The following PDZD2 variants were observed in gnomAD, a reference collection of about 807,000 sequenced individuals.
PDZD2 encodes PDZ domain containing 2.
PDZD2 carries 90 observed loss-of-function variants against 220.7 expected under a neutral mutation model. That is an observed-to-expected ratio of 0.41 (90% CI 0.34 to 0.49). The LOEUF is 0.49. Among genes scored for constraint, PDZD2 ranks in the 20% least tolerant of loss-of-function variants. The pLI is 0.28. For synonymous variants in PDZD2, 1,375 were observed against 1,450.5 expected, an observed-to-expected ratio of 0.95 and a Z score of 1.18; for missense variants, 3,174 against 3,608.5, an observed-to-expected ratio of 0.88 and a Z score of 3.08.
intron 24 of PDZD2, among the ~76,000 whole-genome samples, chr5:32,104,778 A>G (rs934846496): frequency 2.0e-5 from 3 of 148,710 alleles, no homozygotes; most frequent in Admixed American, 6.8e-5. Flanking sequence ...GGCAAAATTT[A>G]TAAGCAAATT....
intron 19 of PDZD2, among the ~76,000 whole-genome samples, chr5:32,082,274 A>C (rs187247070): frequency 6.7e-6 from 1 of 150,240 alleles, no homozygotes; most frequent in African/African-American, 2.5e-5. Context: ...CACCCACCTC[A>C]GCCTCCCAAA....
intron 1 of PDZD2, among the ~76,000 whole-genome samples, chr5:31,764,974 G>A (rs1006717053): frequency 3.3e-5 from 5 of 152,148 alleles, no homozygotes; most frequent in Non-Finnish European, 7.3e-5. Flanking sequence ...CTACTCGGGA[G>A]GCTAAGGCAC....
intron 2 of PDZD2, among the ~76,000 whole-genome samples, chr5:31,883,454 C>T (rs1740132175): frequency 6.6e-6 from 1 of 151,814 alleles, no homozygotes; most frequent in Non-Finnish European, 1.5e-5. Context: ...CTCCTGACCT[C>T]AGGTAATCTG....
chr5:31,989,668 C>T (rs778452277), intron 3 of PDZD2, among the ~76,000 whole-genome samples: 2 of 152,170 alleles, frequency 1.3e-5, no homozygotes, highest in African/African-American at 2.4e-5. Flanking sequence ...TAGTGATCTG[C>T]CTGCCTCGGC....
chr5:32,037,159 T>C (rs1755623033), intron 6 of PDZD2, 72 bp from the exon 7 acceptor site: 2 of 910,106 alleles, frequency 2.2e-6, no homozygotes, highest in Admixed American at 2.0e-5. Flanking sequence ...TGAGATAACA[T>C]TGTGGAGGGG....
At chr5:31,894,615 C>G (rs1447201916) in intron 2 of PDZD2, among the ~76,000 whole-genome samples, 4 of 152,196 alleles carry the variant, frequency 2.6e-5, no homozygotes, top group Non-Finnish European at 5.9e-5. Context: ...CCCCTGTCCG[C>G]ATGTACACTT....
intron 3 of PDZD2, among the ~76,000 whole-genome samples, chr5:31,989,421 CTTTTTTTTTT>C (rs869045113): frequency 8.3e-6 from 1 of 119,904 alleles, no homozygotes; most frequent in Non-Finnish European, 1.7e-5. Flanking sequence ...ATTTTCTTTT[CTTTTTTTTTT>C]TTTTTTTTTG....
rs763477657 is a variant in PDZD2 at position 32,010,493 on chromosome 5, C to T, written c.1407+11C>T. The T allele has an allele frequency of 2.5e-6, 4 of 1,598,404 alleles. No individual in the cohort carries two copies. In the Admixed American group the frequency reaches 6.8e-5, roughly 27 times the overall value. Reference sequence around the variant, plus strand: ...TCTGTCCAGAGAGCAGTAAGTGGCTCTGTGCTCCTGGCTTTCTGTTGGAAT... The same window carrying T: ...TCTGTCCAGAGAGCAGTAAGTGGCTTTGTGCTCCTGGCTTTCTGTTGGAAT... On this transcript the variant is annotated intron_variant, in intron 6 of 24. Coordinates refer to ENST00000438447, the MANE Select transcript of PDZD2 (RefSeq NM_178140.4).
Position 31,639,767 on chromosome 5 carries a change from C to T in PDZD2, c.-361+330C>T, listed in dbSNP as rs1051235319. Among the ~76,000 whole-genome samples, 18 of 152,206 alleles carry T rather than the reference C, an allele frequency of 1.2e-4. No homozygotes were observed. Among genetic ancestry groups the T allele is most frequent in the Non-Finnish European group, 1.5e-5 (1 of 68,032 alleles). On this transcript the variant is annotated intron_variant, in intron 1 of 24. Coordinates refer to ENST00000438447, the MANE Select transcript of PDZD2 (RefSeq NM_178140.4). This position sits in a 1 kb window ranked among gnomAD's most constrained non-coding sequence, Gnocchi z 4.1. ...GGCCGGGACCTCCTGCTCGGGCGCG[C>T]ATCCCGGGTCCCCATCCCTGGGCCG...
chr5:31,768,609 T>C (rs1752161679), intron 1 of PDZD2, among the ~76,000 whole-genome samples: 1 of 144,956 alleles, frequency 6.9e-6, no homozygotes, highest in African/African-American at 2.6e-5. Context: ...GCCACTGCAC[T>C]CCAGCTGGGC....
chr5:31,850,226 G>GTGTATATATA (rs1554082931), intron 2 of PDZD2, among the ~76,000 whole-genome samples: 1 of 101,210 alleles, frequency 9.9e-6, no homozygotes, highest in African/African-American at 3.9e-5. Flanking sequence ...ATATATATAA[G>GTGTATATATA]TATATATATA....
At chr5:32,051,475 C>T (rs921728714) in intron 8 of PDZD2, among the ~76,000 whole-genome samples, 2 of 152,054 alleles carry the variant, frequency 1.3e-5, no homozygotes, top group African/African-American at 4.8e-5. Flanking sequence ...AACTGTTTTG[C>T]GATGTCTCTT....
At chr5:31,927,248 A>T (rs899525252) in intron 2 of PDZD2, among the ~76,000 whole-genome samples, 2 of 152,254 alleles carry the variant, frequency 1.3e-5, no homozygotes, top group South Asian at 4.1e-4. Flanking sequence ...ATGTAAAATA[A>T]TAAAACATAG....
intron 1 of PDZD2, among the ~76,000 whole-genome samples, chr5:31,657,990 GC>G (rs377126930): frequency 2.8e-4 from 42 of 151,990 alleles, no homozygotes; most frequent in African/African-American, 9.9e-4. Flanking sequence ...TCCTTTAGTT[GC>G]CCCCACCCAA....
chr5:32,074,090 C>T lies in PDZD2; in HGVS notation c.2984C>T (p.Pro995Leu), dbSNP rs1581427671. 2 of 1,614,112 alleles carry T rather than the reference C, an allele frequency of 1.2e-6. No individual in the cohort carries two copies. Among genetic ancestry groups the T allele is most frequent in the African/African-American group, 2.7e-5 (2 of 74,938 alleles). ...GGGGCCCTCCCGGGTCCCATCAGGC[C>T]TCTGTCAGAGGATGACCCGAGGCGT... is the stretch of plus-strand genomic sequence containing the variant. The part of the protein sequence containing the change: ...LPGALPGPIR[P>L]LSEDDPRRVS... Residue 995 changes from proline to leucine, a missense_variant, in exon 18 of 25, where the codon CCT (proline) becomes CTT (leucine). Pro to Leu is a moderately conservative substitution (Grantham distance 98, BLOSUM62 -3). Transcript: ENST00000438447.
At chr5:31,765,799 T>C (rs909912934) in intron 1 of PDZD2, among the ~76,000 whole-genome samples, 5 of 152,168 alleles carry the variant, frequency 3.3e-5, no homozygotes, top group African/African-American at 1.2e-4. Flanking sequence ...AGTCAATGGG[T>C]AAGAAAGAAG....
At chr5:31,746,716 A>G (rs1437669317) in intron 1 of PDZD2, among the ~76,000 whole-genome samples, 1 of 152,094 alleles carries the variant, frequency 6.6e-6, no homozygotes, top group East Asian at 1.9e-4. Flanking sequence ...CACTTGGGCA[A>G]GGCTTTTCCA....
At chr5:31,847,025 A>T (rs1177589271) in intron 2 of PDZD2, among the ~76,000 whole-genome samples, 1 of 152,020 alleles carries the variant, frequency 6.6e-6, no homozygotes, top group Non-Finnish European at 1.5e-5. Context: ...TGTCTGTTTC[A>T]CTCATGAATC....
intron 1 of PDZD2, among the ~76,000 whole-genome samples, chr5:31,676,646 T>A (rs562703272): frequency 6.7e-6 from 1 of 150,266 alleles, no homozygotes; most frequent in African/African-American, 2.5e-5. Context: ...CTCCGCCTCC[T>A]GGGTCCAAGC....
Sources: gnomAD v4.1 joint callset for allele counts (sites outside exome capture counted in the v4.1 genomes callset) on GRCh38, gnomAD v4.1.1 for gene constraint, Gnocchi (gnomAD v3.1) non-coding constraint, MANE v1.5 for transcripts, NCBI Gene and HGNC (gene_info 2026-07-23, HGNC 2026-07-21) for gene names.